OXSR1: variants seen among roughly 807,000 people sequenced by gnomAD.
OXSR1 encodes serine/threonine-protein kinase OSR1.
In OXSR1, 24 loss-of-function variants were observed where a neutral mutation model predicts 79.8. The ratio of observed to expected loss-of-function variants is 0.30; its 90% CI spans 0.22 to 0.42. The LOEUF is 0.42. Ranked by LOEUF, OXSR1 falls within the 10% of genes least tolerant of loss-of-function variation. The pLI, the probability that OXSR1 is intolerant of heterozygous loss-of-function variation, is 1.00. For synonymous variants in OXSR1, 226 were observed against 209.2 expected, an observed-to-expected ratio of 1.08 and a Z score of -0.69; for missense variants, 430 against 618.4, an observed-to-expected ratio of 0.70 and a Z score of 3.23.
At position 38,198,761 on chromosome 3, in the gene OXSR1, G is replaced by A. The variant is rs769044451; in HGVS notation, c.332G>A (p.Gly111Glu). ...ATTATTAAGCACATTGTGGCAAAAG[G>A]GGAACACAAAAGTGGAGTCCTAGAT... ...LDIIKHIVAK[G>E]EHKSGVLDES... The change falls in exon 4 of 18, where the codon GGG becomes GAG. Residue 111 changes from glycine to glutamate, a missense_variant. Gly to Glu is a moderately conservative substitution (Grantham distance 98). This residue lies in a region of OXSR1 where 145 missense variants were observed against 228.3 expected (regional missense o/e 0.64). Coordinates refer to ENST00000311806, the MANE Select transcript of OXSR1 (RefSeq NM_005109.3). 2.5e-6 allele frequency: 4 copies of A among 1,613,210 alleles called. No homozygotes were observed. Among genetic ancestry groups the A allele is most frequent in the Non-Finnish European group, 3.4e-6 (4 of 1,179,362 alleles).
intron 13 of OXSR1, 76 bp downstream of exon 13, chr3:38,246,297 C>G: frequency 7.2e-7 from 1 of 1,380,778 alleles, no homozygotes; most frequent in Non-Finnish European, 1.0e-6. Flanking sequence ...GGAATATAAC[C>G]TAATGTAATC....
rs565888670 is a variant in OXSR1, at chr3:38,196,964, G to A, written c.293-1758G>A. Reference sequence around the variant, plus strand: ...TAAACAGTGTTTACGATAATTTTAGGTATTACATTGTAAACAGTGTTTATG... The same window carrying A: ...TAAACAGTGTTTACGATAATTTTAGATATTACATTGTAAACAGTGTTTATG... On this transcript the variant is annotated intron_variant, in intron 3 of 17. Coordinates refer to ENST00000311806, the MANE Select transcript of OXSR1 (RefSeq NM_005109.3). 3.9e-5 allele frequency among the ~76,000 whole-genome samples: 6 copies of A among 152,252 alleles called. No individual in the cohort carries two copies. The South Asian group carries it at 1.2e-3, about 32-fold the overall frequency.
At chr3:38,243,260 G>A (rs1416342177) in intron 12 of OXSR1, among the ~76,000 whole-genome samples, 1 of 151,954 alleles carries the variant, frequency 6.6e-6, no homozygotes, top group African/African-American at 2.4e-5. Flanking sequence ...AAGCTCCTGG[G>A]CTCAGGCAGT....
At chr3:38,199,600 G>A (rs75086775) in intron 4 of OXSR1, among the ~76,000 whole-genome samples, 1,831 of 152,190 alleles carry the variant, frequency 0.012, 35 homozygotes, top group African/African-American at 0.041. Flanking sequence ...TATCTTAGTA[G>A]TTAAGTGCCC....
intron 4 of OXSR1, among the ~76,000 whole-genome samples, chr3:38,211,445 A>G (rs1702385807): frequency 6.6e-6 from 1 of 152,224 alleles, no homozygotes; most frequent in Non-Finnish European, 1.5e-5. Context: ...ACTCCTATAA[A>G]GTGACCTTTT....
intron 2 of OXSR1, among the ~76,000 whole-genome samples, chr3:38,189,660 G>A (rs550986799): frequency 3.8e-4 from 58 of 152,316 alleles, no homozygotes; most frequent in African/African-American, 1.3e-3. Flanking sequence ...GCCTTATAAA[G>A]TGCTGTAGTA....
intron 1 of OXSR1, 113 bp downstream of exon 1, chr3:38,166,059 C>T: frequency 1.1e-6 from 1 of 890,964 alleles, no homozygotes; most frequent in Non-Finnish European, 1.7e-6. Flanking sequence ...ATTCGTGGGG[C>T]GCTTGTGGGG....
chr3:38,165,054 G>C (rs1311118721), upstream of OXSR1: 1 of 152,266 alleles, frequency 6.6e-6, no homozygotes, highest in Non-Finnish European at 1.5e-5. Context: ...TCACTCCAGA[G>C]GAAGTGGTAA....
At position 38,253,202 on chromosome 3, in the gene OXSR1, C is replaced by G; in HGVS notation, c.*311C>G. The G allele has an allele frequency of 6.1e-6, 2 of 327,466 alleles. No individual in the cohort carries two copies. Among genetic ancestry groups the G allele is most frequent in the East Asian group, 1.2e-4 (2 of 16,952 alleles). The allele number at this position is 327,466 out of a possible 1,614,324, so 20.3% of individuals were successfully genotyped here. A position where few individuals can be genotyped will look rare whatever the true frequency, so the allele number is the denominator to read the frequency against. On this transcript the variant is annotated 3_prime_UTR_variant, in exon 18 of 18. Coordinates refer to ENST00000311806, the MANE Select transcript of OXSR1 (RefSeq NM_005109.3). ...AGGGAGATCTGTCAGCTCATTCTTG[C>G]CTTACTCCAATGATGGCCCAGGTGG...
intron 4 of OXSR1, among the ~76,000 whole-genome samples, chr3:38,211,327 C>T (rs768578996): frequency 3.3e-5 from 5 of 152,130 alleles, no homozygotes; most frequent in Non-Finnish European, 4.4e-5. Flanking sequence ...CCCCTATAAC[C>T]CTAATGACTC....
chr3:38,190,580 A>G (rs910296084), intron 2 of OXSR1, 151 bp from the exon 3 acceptor site: 5 of 579,888 alleles, frequency 8.6e-6, no homozygotes, highest in South Asian at 4.5e-5. Flanking sequence ...AAGTGGTTTT[A>G]TTGGTTTAAC....
At chr3:38,210,222 T>C (rs1008663228) in intron 4 of OXSR1, among the ~76,000 whole-genome samples, 2 of 152,156 alleles carry the variant, frequency 1.3e-5, no homozygotes, top group Non-Finnish European at 2.9e-5. Flanking sequence ...CTCAGTCTTT[T>C]TAGTGAGCCT....
intron 4 of OXSR1, among the ~76,000 whole-genome samples, chr3:38,213,844 T>C (rs1702434418): frequency 6.6e-6 from 1 of 152,252 alleles, no homozygotes; most frequent in Admixed American, 6.5e-5. Context: ...ATAATGTATG[T>C]CTCTGTGTCA....
In OXSR1 at chr3:38,190,673, CACA is replaced by C; in HGVS notation, c.184-54_184-52del. ...ATTTCAAAATCTGGATTTGCTAACT[CACA>C]ACATTTGTTTTAGGCTTGCATATAA... On this transcript the variant is annotated intron_variant, in intron 2 of 17. Coordinates refer to ENST00000311806, the MANE Select transcript of OXSR1 (RefSeq NM_005109.3). 1.1e-5 allele frequency: 11 copies of C among 982,068 alleles called. No homozygotes were observed. The South Asian group carries it at 1.5e-4, about 13-fold the overall frequency. 60.8% of individuals were successfully genotyped at this position (982,068 alleles called of 1,614,324 possible). A position where few individuals can be genotyped will look rare whatever the true frequency, so the allele number is the denominator to read the frequency against.
intron 5 of OXSR1, among the ~76,000 whole-genome samples, chr3:38,220,371 A>G (rs1366127239): frequency 6.6e-6 from 1 of 152,034 alleles, no homozygotes; most frequent in Non-Finnish European, 1.5e-5. Flanking sequence ...CATAATTTCT[A>G]TTTTATAATT....
intron 1 of OXSR1, among the ~76,000 whole-genome samples, chr3:38,166,880 G>C (rs1198128153): frequency 6.6e-6 from 1 of 152,040 alleles, no homozygotes; most frequent in Non-Finnish European, 1.5e-5. Flanking sequence ...GAATAACCTG[G>C]AGATCTACTT....
chr3:38,193,882 C>G lies in OXSR1; in HGVS notation c.292+3043C>G, dbSNP rs115598524. Among the ~76,000 whole-genome samples the G allele has an allele frequency of 4.0e-3, 610 of 152,240 alleles. 7 individuals carry two copies. Among genetic ancestry groups the G allele is most frequent in the African/African-American group, 0.014 (587 of 41,542 alleles). ...TTATGAGTCAACATGATCATTACAT[C>G]TAAACCTTTTAAATATTAAAAATTT... On this transcript the variant is annotated intron_variant, in intron 3 of 17. Coordinates refer to ENST00000311806, the MANE Select transcript of OXSR1 (RefSeq NM_005109.3).
chr3:38,180,662 C>G (rs180672788), intron 1 of OXSR1, among the ~76,000 whole-genome samples: 3 of 151,386 alleles, frequency 2.0e-5, no homozygotes, highest in Non-Finnish European at 4.4e-5. Flanking sequence ...TCCCAAGTAG[C>G]TAGGACTATA....
chr3:38,208,489 C>G (rs922256010), intron 4 of OXSR1, among the ~76,000 whole-genome samples: 9 of 152,098 alleles, frequency 5.9e-5, no homozygotes, highest in Non-Finnish European at 1.2e-4. Flanking sequence ...GTTTCTTTTT[C>G]TTTGTAAGAC....
Sources: gnomAD v4.1 joint callset for allele counts (sites outside exome capture counted in the v4.1 genomes callset) on GRCh38, gnomAD v4.1.1 for gene constraint, gnomAD v4.1.1 regional missense constraint, MANE v1.5 for transcripts, NCBI Gene and HGNC (gene_info 2026-07-23, HGNC 2026-07-21) for gene names.